Variants in SLC9A9 observed in about 807,000 individuals in gnomAD.
SLC9A9 encodes solute carrier family 9 member A9, also known as sodium/hydrogen exchanger 9.
Under a neutral mutation model 77.8 loss-of-function variants are expected in SLC9A9, and 62 were observed. The ratio of observed to expected loss-of-function variants is 0.80; its 90% CI spans 0.65 to 0.98. The LOEUF is 0.98. Among genes scored for constraint, SLC9A9 ranks in the 50% least tolerant of loss-of-function variants. The pLI is 0.00. For missense variants in SLC9A9, 775 were observed against 774.9 expected (o/e 1.00, Z 0.00); for synonymous variants, 320 against 283.5 (o/e 1.13, Z -1.29).
chr3:143,764,171 A>T (rs564160028), intron 4 of SLC9A9, among the ~76,000 whole-genome samples: 1 of 152,194 alleles, frequency 6.6e-6, no homozygotes, highest in Non-Finnish European at 1.5e-5. Context: ...GTTAATTCTC[A>T]TCAAGAGTCT....
chr3:143,581,442 GTT>G (rs2037450564), intron 6 of SLC9A9, among the ~76,000 whole-genome samples: 1 of 152,082 alleles, frequency 6.6e-6, no homozygotes, highest in Non-Finnish European at 1.5e-5. Context: ...AGCAAGGCAT[GTT>G]TTGTTCTCTC....
intron 12 of SLC9A9, among the ~76,000 whole-genome samples, chr3:143,404,178 C>CT (rs57688016): frequency 0.41 from 58,809 of 142,496 alleles, 12,167 homozygotes; most frequent in Admixed American, 0.46. Flanking sequence ...TTTCTTTTTT[C>CT]TTTTTTTTTT....
intron 2 of SLC9A9, among the ~76,000 whole-genome samples, chr3:143,799,327 G>A (rs111608241): frequency 4.6e-5 from 7 of 152,216 alleles, no homozygotes; most frequent in South Asian, 2.1e-4. Context: ...GTAAAGCTTC[G>A]AAAATTAAAT....
chr3:143,457,576 T>G (rs1386660324), intron 12 of SLC9A9, among the ~76,000 whole-genome samples: 4 of 152,180 alleles, frequency 2.6e-5, no homozygotes, highest in Non-Finnish European at 4.4e-5. Context: ...CTTTCTTCTC[T>G]TCTAATATAG....
chr3:143,705,965 G>A (rs1933960873), intron 4 of SLC9A9, among the ~76,000 whole-genome samples: 1 of 152,196 alleles, frequency 6.6e-6, no homozygotes, highest in African/African-American at 2.4e-5. Flanking sequence ...CCTACGAGAG[G>A]TCAGATCATA....
At chr3:143,320,189 C>G (rs2031368853) in intron 14 of SLC9A9, among the ~76,000 whole-genome samples, 1 of 152,228 alleles carries the variant, frequency 6.6e-6, no homozygotes, top group Non-Finnish European at 1.5e-5. Context: ...AGGGCAGGCC[C>G]TTCATCCATC....
intron 14 of SLC9A9, among the ~76,000 whole-genome samples, chr3:143,300,294 T>C (rs1287265238): frequency 6.6e-6 from 1 of 152,244 alleles, no homozygotes; most frequent in Non-Finnish European, 1.5e-5. Context: ...CAAGAGAGAA[T>C]GCATGTAGAG....
chr3:143,730,599 A>G (rs985620488), intron 4 of SLC9A9, among the ~76,000 whole-genome samples: 4 of 152,248 alleles, frequency 2.6e-5, no homozygotes, highest in Non-Finnish European at 4.4e-5. Flanking sequence ...TTGCCAAGAT[A>G]TCTTACATAT....
At position 143,388,822 on chromosome 3, in the gene SLC9A9, G is replaced by A. The variant is rs973335152; in HGVS notation, c.1470-6708C>T. Among the ~76,000 whole-genome samples the A allele has an allele frequency of 1.8e-4, 27 of 152,224 alleles. 1 individual carries two copies. The highest frequency in any genetic ancestry group is 1.5e-5 in the Non-Finnish European group (1 of 68,042). On this transcript the variant is annotated intron_variant, in intron 12 of 15. Transcript: ENST00000316549. ...AAAGAACCACAGTATGGTGTGATAA[G>A]CATTGAACATTAATTATTTGAACAC...
chr3:143,302,446 AT>A (rs1182309025), intron 14 of SLC9A9, among the ~76,000 whole-genome samples: 1 of 152,222 alleles, frequency 6.6e-6, no homozygotes, highest in Non-Finnish European at 1.5e-5. Flanking sequence ...GTATTAATAA[AT>A]ATTAAGAGGA....
intron 6 of SLC9A9, among the ~76,000 whole-genome samples, chr3:143,584,737 G>A (rs2037513803): frequency 6.6e-6 from 1 of 152,168 alleles, no homozygotes; most frequent in Admixed American, 6.5e-5. Flanking sequence ...CCTTTGTGCT[G>A]GGTAAGTAGT....
At chr3:143,325,384 C>A (rs1285355684) in intron 14 of SLC9A9, among the ~76,000 whole-genome samples, 2 of 152,226 alleles carry the variant, frequency 1.3e-5, no homozygotes, top group Non-Finnish European at 2.9e-5. Context: ...CAATCAACTA[C>A]TTCTCTCTCA....
At chr3:143,847,432 G>A (rs1477615374) in intron 1 of SLC9A9, among the ~76,000 whole-genome samples, 2 of 152,166 alleles carry the variant, frequency 1.3e-5, no homozygotes, top group Non-Finnish European at 2.9e-5. Flanking sequence ...ACGGTAAGTT[G>A]CCCAGAAAGA....
chr3:143,682,796 T>G (rs1933143687), intron 5 of SLC9A9, among the ~76,000 whole-genome samples: 1 of 152,132 alleles, frequency 6.6e-6, no homozygotes, highest in Non-Finnish European at 1.5e-5. Context: ...CAACATTATA[T>G]CTTTCTGCCC....
chr3:143,726,970 T>G (rs1201983611), intron 4 of SLC9A9, among the ~76,000 whole-genome samples: 3 of 151,942 alleles, frequency 2.0e-5, no homozygotes, highest in African/African-American at 7.3e-5. Context: ...AGGATTGAGA[T>G]GAGTCATAGA....
intron 5 of SLC9A9, among the ~76,000 whole-genome samples, chr3:143,688,358 T>A (rs934458877): frequency 6.6e-6 from 1 of 152,018 alleles, no homozygotes; most frequent in Non-Finnish European, 1.5e-5. Flanking sequence ...CTCAGTTGTG[T>A]TTAGAGCTAG....
At chr3:143,433,503 T>C (rs543327818) in intron 12 of SLC9A9, among the ~76,000 whole-genome samples, 1 of 152,348 alleles carries the variant, frequency 6.6e-6, no homozygotes, top group Admixed American at 6.5e-5. Context: ...TTTCTCTTTT[T>C]ATAATAACGT....
intron 6 of SLC9A9, among the ~76,000 whole-genome samples, chr3:143,645,372 G>A (rs980138826): frequency 1.3e-5 from 2 of 152,146 alleles, no homozygotes; most frequent in Non-Finnish European, 2.9e-5. Flanking sequence ...TCTAGGGTGA[G>A]GTTTTGTTAC....
intron 9 of SLC9A9, among the ~76,000 whole-genome samples, chr3:143,497,951 G>A (rs931953559): frequency 4.6e-5 from 7 of 152,104 alleles, no homozygotes; most frequent in South Asian, 4.2e-4. Flanking sequence ...GGGAAAAGTC[G>A]TTTTGTTTTG....
Sources: allele counts gnomAD v4.1 joint callset (sites outside exome capture counted in the v4.1 genomes callset), GRCh38; gene constraint gnomAD v4.1.1; transcripts MANE v1.5; gene names NCBI Gene and HGNC (gene_info 2026-07-23, HGNC 2026-07-21).